Variants in DGLUCY observed in about 807,000 individuals in gnomAD.
The protein encoded by DGLUCY is D-glutamate cyclase, mitochondrial.
DGLUCY carries 58 observed loss-of-function variants against 58.5 expected under a neutral mutation model. The ratio of observed to expected loss-of-function variants is 0.99; its 90% CI spans 0.80 to 1.23. The LOEUF (loss-of-function observed/expected upper bound fraction) is 1.23, where lower values mean the gene tolerates loss of function less well. DGLUCY is among the 50% of genes most tolerant of loss of function. The pLI, the probability that DGLUCY is intolerant of heterozygous loss-of-function variation, is 0.00. For synonymous variants in DGLUCY, 325 were observed against 314.1 expected, an observed-to-expected ratio of 1.03 and a Z score of -0.37; for missense variants, 779 against 784.7, an observed-to-expected ratio of 0.99 and a Z score of 0.09.
chr14:91,106,688 C>T (rs910390098), upstream of DGLUCY, among the ~76,000 whole-genome samples: 4 of 130,064 alleles, frequency 3.1e-5, no homozygotes, highest in East Asian at 9.4e-4. Context: ...GCCTGGGCAA[C>T]AAAGCGAGAC....
Position 91,068,481 on chromosome 14 carries a change from C to T in DGLUCY, c.-82+7777C>T, listed in dbSNP as rs150197102. On this transcript the variant is annotated intron_variant, in intron 1 of 4. Coordinates refer to the DGLUCY transcript ENST00000521334. Reference sequence around the variant, plus strand: ...GTTGGGAGTTTGAGATCAGCCTGACCAACATGGAGAAATCCCGTCTGTACT... The same window carrying T: ...GTTGGGAGTTTGAGATCAGCCTGACTAACATGGAGAAATCCCGTCTGTACT... Among the ~76,000 whole-genome samples, 495 of 152,236 alleles carry T rather than the reference C, an allele frequency of 3.3e-3. 1 individual carries two copies. Among genetic ancestry groups the T allele is most frequent in the Non-Finnish European group, 5.4e-3 (370 of 68,024 alleles).
chr14:91,189,220 CG>C (rs773847851), intron 9 of DGLUCY, 50 bp downstream of exon 9: 1 of 1,604,268 alleles, frequency 6.2e-7, no homozygotes, highest in Non-Finnish European at 8.5e-7. Flanking sequence ...GCTTTGTGGA[CG>C]GAGGCTGGAG....
intron 6 of DGLUCY, 158 bp from the exon 7 acceptor site, chr14:91,175,776 G>T: frequency 1.3e-6 from 1 of 752,652 alleles, no homozygotes; most frequent in Non-Finnish European, 2.1e-6. Flanking sequence ...AGTTGTCAAA[G>T]CCTTAATCCC....
intron 9 of DGLUCY, among the ~76,000 whole-genome samples, chr14:91,195,715 G>C (rs2050160977): frequency 7.2e-6 from 1 of 139,296 alleles, no homozygotes. Flanking sequence ...CTGTTGCCCA[G>C]GCTGGAGTGC....
chr14:91,138,801 C>A (rs2046484826), intron 1 of DGLUCY, among the ~76,000 whole-genome samples: 1 of 152,038 alleles, frequency 6.6e-6, no homozygotes, highest in Admixed American at 6.5e-5. Flanking sequence ...ATGATGATTA[C>A]AATTTGAGAT....
chr14:91,135,855 T>C, intron 1 of DGLUCY, among the ~76,000 whole-genome samples: 1 of 151,226 alleles, frequency 6.6e-6, no homozygotes, highest in East Asian at 1.9e-4. Flanking sequence ...ATGAATTACA[T>C]GAATCACTTT....
At chr14:91,161,810 ATT>A (rs3028460) in intron 3 of DGLUCY, among the ~76,000 whole-genome samples, 12,708 of 147,952 alleles carry the variant, frequency 0.086, 1,181 homozygotes, top group African/African-American at 0.23. Context: ...GATTTTTGCC[ATT>A]TTTTTTTTTT....
In DGLUCY at chr14:91,178,018, C is replaced by T. The variant is rs61253148; in HGVS notation, c.730+1962C>T. Among the ~76,000 whole-genome samples the T allele has an allele frequency of 4.8e-3, 736 of 152,324 alleles. 7 individuals are homozygous for T. Among genetic ancestry groups the T allele is most frequent in the African/African-American group, 0.017 (693 of 41,576 alleles). On this transcript the variant is annotated intron_variant, in intron 7 of 13. Coordinates refer to ENST00000256324, the MANE Select transcript of DGLUCY (RefSeq NM_001102368.3). ...GCCTCACCGCTTTCCCACCATCGGT[C>T]GTGGCAGGTGCCCTGCAGAGGAGAT...
chr14:91,195,948 G>T (rs2050179694), intron 9 of DGLUCY, among the ~76,000 whole-genome samples: 1 of 152,130 alleles, frequency 6.6e-6, no homozygotes, highest in African/African-American at 2.4e-5. Flanking sequence ...GGAATTACAG[G>T]CATGAGGCAC....
chr14:91,179,563 C>G (rs969027708), intron 7 of DGLUCY, among the ~76,000 whole-genome samples: 5 of 152,016 alleles, frequency 3.3e-5, no homozygotes, highest in African/African-American at 1.2e-4. Flanking sequence ...CCAGCCTAGC[C>G]AACATGGCAA....
At chr14:91,067,807 C>A (rs1231045195) in intron 1 of DGLUCY, among the ~76,000 whole-genome samples, 1 of 152,136 alleles carries the variant, frequency 6.6e-6, no homozygotes. Context: ...ACCTCGGCCT[C>A]CCAAAATGCT....
chr14:91,196,487 C>T lies in DGLUCY; in HGVS notation c.1295+13C>T, dbSNP rs2050218825. Reference sequence around the variant, plus strand: ...CGCAGACACCTAGGTACGTATGTCGCATCCCAGTTTAAGTGGCGGATGGTG... The same window carrying T: ...CGCAGACACCTAGGTACGTATGTCGTATCCCAGTTTAAGTGGCGGATGGTG... On this transcript the variant is annotated intron_variant, in intron 10 of 13. Transcript: ENST00000256324. 6.2e-7 allele frequency: 1 copy of T among 1,609,016 alleles called. No individual in the cohort carries two copies. The highest frequency in any genetic ancestry group is 1.1e-5 in the South Asian group (1 of 90,824).
chr14:91,149,597 C>T (rs2047201484), intron 1 of DGLUCY, among the ~76,000 whole-genome samples: 1 of 152,220 alleles, frequency 6.6e-6, no homozygotes, highest in African/African-American at 2.4e-5. Context: ...ATACACTCAA[C>T]CTGCATGTAG....
chr14:91,209,784 A>G (rs1885379980), intron 12 of DGLUCY, among the ~76,000 whole-genome samples: 1 of 152,212 alleles, frequency 6.6e-6, no homozygotes, highest in Non-Finnish European at 1.5e-5. Flanking sequence ...CAAGAAATTC[A>G]CTTTAACTGT....
chr14:91,187,092 C>T (rs546026316), intron 8 of DGLUCY, among the ~76,000 whole-genome samples: 15 of 152,132 alleles, frequency 9.9e-5, no homozygotes, highest in Middle Eastern at 3.4e-3. Context: ...CTCCACCTCC[C>T]GAGTTGAAGC....
chr14:91,192,123 C>A (rs1256319867), intron 9 of DGLUCY, among the ~76,000 whole-genome samples: 1 of 152,170 alleles, frequency 6.6e-6, no homozygotes, highest in Non-Finnish European at 1.5e-5. Flanking sequence ...ACCAAGTGCC[C>A]ATCAATGGAT....
rs974492701 is a variant in DGLUCY at position 91,203,671 on chromosome 14, T to G, written c.1445-1035T>G. Among the ~76,000 whole-genome samples the G allele has an allele frequency of 1.4e-4, 7 of 50,136 alleles. No individual in the cohort carries two copies. The East Asian group carries it at 2.0e-3, about 14-fold the overall frequency. 32.9% of individuals were successfully genotyped at this position (50,136 alleles called of 152,430 possible). ...ATGCTTCAGGGCTTGATAGGTTTTT[T>G]TGTGTGTTTTTTTTTTTTTTTTTTA... On this transcript the variant is annotated intron_variant, in intron 11 of 13. Coordinates refer to ENST00000256324, the MANE Select transcript of DGLUCY (RefSeq NM_001102368.3).
chr14:91,159,606 T>C (rs1489805130), intron 2 of DGLUCY, among the ~76,000 whole-genome samples: 1 of 152,236 alleles, frequency 6.6e-6, no homozygotes, highest in Non-Finnish European at 1.5e-5. Flanking sequence ...AAATCTACAA[T>C]ATCTATTTAC....
At chr14:91,192,953 T>A (rs1471356445) in intron 9 of DGLUCY, among the ~76,000 whole-genome samples, 1 of 152,190 alleles carries the variant, frequency 6.6e-6, no homozygotes, top group Non-Finnish European at 1.5e-5. Context: ...GTTAGTGATA[T>A]ATAAAGAGTT....
Sources: gnomAD v4.1 joint callset for allele counts (sites outside exome capture counted in the v4.1 genomes callset) on GRCh38, gnomAD v4.1.1 for gene constraint, MANE v1.5 for transcripts, NCBI Gene and HGNC (gene_info 2026-07-23, HGNC 2026-07-21) for gene names.